MYBL2: variants seen among roughly 807,000 people sequenced by gnomAD.
MYBL2 encodes the protein MYB proto-oncogene like 2.
A neutral mutation model predicts 79.9 loss-of-function variants in MYBL2; 28 were observed. That is an observed-to-expected ratio of 0.35 (90% CI 0.26 to 0.48). MYBL2 has a LOEUF of 0.48. Among genes scored for constraint, MYBL2 ranks in the 20% least tolerant of loss-of-function variants. The pLI, the probability that MYBL2 is intolerant of heterozygous loss-of-function variation, is 0.99. For synonymous variants in MYBL2, 378 were observed against 361.2 expected (o/e 1.05, Z -0.53); for missense variants, 735 against 893.9 (o/e 0.82, Z 2.27).
chr20:43,668,555 C>T (rs1986779602), intron 1 of MYBL2, among the ~76,000 whole-genome samples: 1 of 152,082 alleles, frequency 6.6e-6, no homozygotes, highest in Non-Finnish European at 1.5e-5. Flanking sequence ...CCTTCCATCC[C>T]TCTAGATTTT....
Position 43,673,806 on chromosome 20 carries a change from C to T in MYBL2, c.21C>T (p.Cys7=), listed in dbSNP as rs966964518. The change falls in exon 2 of 14, where the codon TGC becomes TGT. Residue 7 remains cysteine (C), a splice_region_variant and synonymous_variant. Coordinates refer to ENST00000217026, the MANE Select transcript of MYBL2 (RefSeq NM_002466.4). The part of the protein sequence containing the change: MSRRTR[C]EDLDELHYQD... ...GACCCTTGGCCTGCTTTCCCCATAG[C>T]GAGGATCTGGATGAGCTGCACTACC... is the stretch of plus-strand genomic sequence containing the variant. 10 of 1,567,888 alleles carry T rather than the reference C, an allele frequency of 6.4e-6. No individual in the cohort carries two copies. Among genetic ancestry groups the T allele is most frequent in the Admixed American group, 1.9e-5 (1 of 53,388 alleles).
chr20:43,714,076 A>G (rs1299510367), intron 12 of MYBL2, among the ~76,000 whole-genome samples: 2 of 152,156 alleles, frequency 1.3e-5, no homozygotes, highest in East Asian at 1.9e-4. Flanking sequence ...AGAAAAAAAC[A>G]TCACCGCAGG....
At chr20:43,701,160 G>A (rs532393147) in intron 7 of MYBL2, among the ~76,000 whole-genome samples, 2 of 152,306 alleles carry the variant, frequency 1.3e-5, no homozygotes, top group South Asian at 4.1e-4. Flanking sequence ...CTTGCTGTCC[G>A]GCTCAGAGCT....
At position 43,715,324 on chromosome 20, in the gene MYBL2, CCTT is replaced by C. The variant is rs766869857; in HGVS notation, c.1974+45_1974+47del. 4.8e-5 allele frequency: 78 copies of C among 1,612,854 alleles called. 3 individuals carry two copies. The South Asian group carries it at 8.2e-4, about 17-fold the overall frequency. On this transcript the variant is annotated intron_variant, in intron 13 of 13. Coordinates refer to ENST00000217026, the MANE Select transcript of MYBL2 (RefSeq NM_002466.4). ...ATCTCTGGGGGTCCTGCAGTGCCCG[CCTT>C]CTTAGCTCAGGGCTGAGTGCTGGCC...
Position 43,699,944 on chromosome 20 carries a change from C to A in MYBL2, c.851C>A (p.Pro284Gln), listed in dbSNP as rs200262962. ...CGTGAGGACCAGGAAGGCTCCCCAC[C>A]AGAAACGAGCCTGCCTTACAAGTGG... ...PKREDQEGSP[P>Q]ETSLPYKWVV... The change falls in exon 7 of 14, where the codon CCA becomes CAA. Residue 284 changes from proline to glutamine, a missense_variant. By Grantham distance (76) the Pro-to-Gln change is moderately conservative. This residue lies in a region of MYBL2 where 144 missense variants were observed against 131.9 expected (regional missense o/e 1.09). Transcript: ENST00000217026. 1 of 1,614,160 alleles carries A rather than the reference C, an allele frequency of 6.2e-7. No homozygotes were observed. Among genetic ancestry groups the A allele is most frequent in the Non-Finnish European group, 8.5e-7 (1 of 1,180,036 alleles).
intron 2 of MYBL2, among the ~76,000 whole-genome samples, chr20:43,680,279 C>T (rs1186222464): frequency 1.3e-5 from 2 of 151,990 alleles, no homozygotes; most frequent in East Asian, 1.9e-4. Context: ...CCACCTGCCT[C>T]GGCCTCCTGA....
chr20:43,689,321 G>C (rs1327843325), intron 5 of MYBL2, among the ~76,000 whole-genome samples: 3 of 152,164 alleles, frequency 2.0e-5, no homozygotes, highest in African/African-American at 7.2e-5. Flanking sequence ...AAACCTGAAT[G>C]TGTCATCTTT....
At chr20:43,677,295 G>A (rs1177247229) in intron 2 of MYBL2, among the ~76,000 whole-genome samples, 1 of 152,182 alleles carries the variant, frequency 6.6e-6, no homozygotes, top group East Asian at 1.9e-4. Context: ...CCGCGGCACC[G>A]GTAGGATCAG....
intron 1 of MYBL2, among the ~76,000 whole-genome samples, chr20:43,668,075 T>G (rs567365553): frequency 1.3e-3 from 192 of 152,192 alleles, no homozygotes; most frequent in African/African-American, 4.4e-3. Flanking sequence ...ATCCCTGTCT[T>G]ACACCTGTGC....
At chr20:43,687,753 T>A (rs1415592317) in intron 5 of MYBL2, among the ~76,000 whole-genome samples, 1 of 152,122 alleles carries the variant, frequency 6.6e-6, no homozygotes, top group Non-Finnish European at 1.5e-5. Flanking sequence ...TGGTGGCTCA[T>A]GCCTGTAATC....
At chr20:43,712,979 C>A in intron 11 of MYBL2, 23 bp from the exon 12 acceptor site, 1 of 1,580,770 alleles carries the variant, frequency 6.3e-7, no homozygotes, top group East Asian at 2.3e-5. Flanking sequence ...CACCCTAACC[C>A]CCTTCTATCT....
At chr20:43,692,503 A>G (rs1273709560) in intron 6 of MYBL2, among the ~76,000 whole-genome samples, 184 bp downstream of exon 6, 2 of 152,238 alleles carry the variant, frequency 1.3e-5, no homozygotes, top group Non-Finnish European at 2.9e-5. Context: ...CAGATGAAGG[A>G]TAGCAGAGCA....
chr20:43,681,752 G>T (rs775194252), intron 2 of MYBL2, 32 bp from the exon 3 acceptor site: 1 of 1,613,236 alleles, frequency 6.2e-7, no homozygotes, highest in Non-Finnish European at 8.5e-7. Context: ...GCACGTATGT[G>T]TGCTGAGCCC....
chr20:43,685,936 C>G (rs1255633393), intron 4 of MYBL2, among the ~76,000 whole-genome samples: 1 of 152,120 alleles, frequency 6.6e-6, no homozygotes, highest in Non-Finnish European at 1.5e-5. Context: ...ACTTGGGAGG[C>G]TGAGGCAGGA....
rs148828695 is a variant in MYBL2 at position 43,683,614 on chromosome 20, C to T, written c.279+728C>T. Among the ~76,000 whole-genome samples the T allele has an allele frequency of 8.0e-3, 1,127 of 141,664 alleles. 18 individuals carry two copies. Among genetic ancestry groups the T allele is most frequent in the African/African-American group, 0.028 (1,049 of 37,780 alleles). The allele number at this position is 141,664 out of a possible 152,430, so 92.9% of individuals were successfully genotyped here. The stretch of plus-strand genomic sequence containing the variant: ...TGTCGCTCAGGTTAGAGTGCAGTGG[C>T]GCGATCTCAGCTCACTGCATCCTCC... On this transcript the variant is annotated intron_variant, in intron 4 of 13. Transcript: ENST00000217026.
At chr20:43,679,816 T>C (rs1487186173) in intron 2 of MYBL2, among the ~76,000 whole-genome samples, 1 of 147,530 alleles carries the variant, frequency 6.8e-6, no homozygotes, top group Non-Finnish European at 1.5e-5. Context: ...GAGGCTGAGG[T>C]GGAAGGATCA....
intron 9 of MYBL2, 76 bp downstream of exon 9, chr20:43,705,434 G>A: frequency 6.8e-7 from 1 of 1,466,394 alleles, no homozygotes; most frequent in Non-Finnish European, 9.1e-7. Context: ...GGGACCACTG[G>A]TGGAACAGTG....
Position 43,705,938 on chromosome 20 carries a change from G to C in MYBL2, c.1505+580G>C, listed in dbSNP as rs6031047. Among the ~76,000 whole-genome samples, 1,210 of 152,172 alleles carry C rather than the reference G, an allele frequency of 8.0e-3. 15 individuals carry two copies. The highest frequency in any genetic ancestry group is 0.027 in the African/African-American group (1,131 of 41,502). On this transcript the variant is annotated intron_variant, in intron 9 of 13. Coordinates refer to ENST00000217026, the MANE Select transcript of MYBL2 (RefSeq NM_002466.4). ...GATGGTGTCGATCTCCTGACCTCGTGATCCTCCTGCCTCAGCCTCCCAAAA... is the reference window on the plus strand; with the variant it reads ...GATGGTGTCGATCTCCTGACCTCGTCATCCTCCTGCCTCAGCCTCCCAAAA...
chr20:43,673,356 G>A (rs768592356), intron 1 of MYBL2, among the ~76,000 whole-genome samples: 2 of 151,842 alleles, frequency 1.3e-5, no homozygotes, highest in African/African-American at 4.8e-5. Flanking sequence ...AAGAGGTGAG[G>A]TCGGGTGTGG....
Sources: gnomAD v4.1 joint callset for allele counts (sites outside exome capture counted in the v4.1 genomes callset) on GRCh38, gnomAD v4.1.1 for gene constraint, gnomAD v4.1.1 regional missense constraint, MANE v1.5 for transcripts, NCBI Gene and HGNC (gene_info 2026-07-23, HGNC 2026-07-21) for gene names.